DST: variants seen among roughly 807,000 people sequenced by gnomAD.
DST encodes dystonin.
DST carries 253 observed loss-of-function variants against 875.2 expected under a neutral mutation model. That is an observed-to-expected ratio of 0.29 (90% CI 0.26 to 0.32). The LOEUF (loss-of-function observed/expected upper bound fraction) is 0.32, where lower values mean the gene tolerates loss of function less well. Among genes scored for constraint, DST ranks in the 10% least tolerant of loss-of-function variants. The pLI is 1.00. For synonymous variants in DST, 3,124 were observed against 3,197.1 expected, an observed-to-expected ratio of 0.98 and a Z score of 0.77; for missense variants, 8,287 against 9,111.6, an observed-to-expected ratio of 0.91 and a Z score of 3.68.
chr6:56,529,372 T>C, intron 66 of DST, 76 bp downstream of exon 66: 1 of 1,183,534 alleles, frequency 8.4e-7, no homozygotes. Flanking sequence ...AAACATAAAA[T>C]TGTACAGAAA....
chr6:56,877,705 C>A lies in DST; in HGVS notation c.417+22716G>T, dbSNP rs188703608. On this transcript the variant is annotated intron_variant, in intron 3 of 103. Transcript: ENST00000680361. ...ATTTTTAATTAGTTTCAACTGATAT[C>A]CCATAGGCTGGGAACAACACAATAA... Among the ~76,000 whole-genome samples the A allele has an allele frequency of 4.0e-3, 610 of 152,212 alleles. 2 individuals are homozygous for A. The highest frequency in any genetic ancestry group is 6.2e-3 in the Non-Finnish European group (424 of 68,016).
At position 56,501,718 on chromosome 6, in the gene DST, A is replaced by G. The variant is rs775150328; in HGVS notation, c.19567-25T>C. 17 of 1,511,620 alleles carry G rather than the reference A, an allele frequency of 1.1e-5. No homozygotes were observed. The Admixed American group carries it at 3.7e-4, about 33-fold the overall frequency. The allele number at this position is 1,511,620 out of a possible 1,614,324, so 93.6% of individuals were successfully genotyped here. On this transcript the variant is annotated intron_variant, in intron 78 of 103. Coordinates refer to ENST00000680361, the MANE Select transcript of DST (RefSeq NM_001374736.1). ...GCTATTTTAAAAGAGATATACAAAGAAAATATTGTTAAAAATCACTAACTC... is the reference window on the plus strand; with the variant it reads ...GCTATTTTAAAAGAGATATACAAAGGAAATATTGTTAAAAATCACTAACTC...
In DST at chr6:56,614,376, G is replaced by A. The variant is rs536309937; in HGVS notation, c.5038C>T (p.Pro1680Ser). 1.6e-5 allele frequency: 26 copies of A among 1,607,594 alleles called. No individual in the cohort carries two copies. The South Asian group carries it at 2.1e-4, about 13-fold the overall frequency. ...TLKDAEKAGKPPFSKQKISSE... is the reference protein window; with the variant it reads ...TLKDAEKAGKSPFSKQKISSE... ...AATACCTTTTGCTTAGAGAAGGGAG[G>A]TTTTCCAGCCTTCTCTGCATCTTTC... Residue 1680 changes from proline to serine, a missense_variant, in exon 37 of 104, where the codon CCT becomes TCT. By Grantham distance (74) the Pro-to-Ser change is moderately conservative. Transcript: ENST00000680361.
intron 2 of DST, among the ~76,000 whole-genome samples, chr6:56,915,110 G>A (rs1003887579): frequency 6.6e-6 from 1 of 152,128 alleles, no homozygotes; most frequent in African/African-American, 2.4e-5. Context: ...TATAGACCAA[G>A]GGATTTTATA....
chr6:56,659,118 T>A (rs988636590), intron 10 of DST, among the ~76,000 whole-genome samples: 1 of 151,944 alleles, frequency 6.6e-6, no homozygotes, highest in African/African-American at 2.4e-5. Context: ...GAGAAAAAAA[T>A]TTAAATGGTC....
chr6:56,498,284 C>G (rs1462399488), intron 80 of DST, among the ~76,000 whole-genome samples: 2 of 152,114 alleles, frequency 1.3e-5, no homozygotes, highest in Admixed American at 1.3e-4. Flanking sequence ...GCAATCGTCC[C>G]ATTTCAGCCT....
intron 4 of DST, among the ~76,000 whole-genome samples, chr6:56,815,495 G>A (rs1374652171): frequency 6.6e-6 from 1 of 152,160 alleles, no homozygotes; most frequent in Non-Finnish European, 1.5e-5. Flanking sequence ...TTTCCAAAAA[G>A]GATTATGACC....
intron 3 of DST, among the ~76,000 whole-genome samples, chr6:56,852,970 C>A (rs1172561913): frequency 1.3e-5 from 2 of 152,230 alleles, no homozygotes; most frequent in Non-Finnish European, 2.9e-5. Context: ...GGACTACCAA[C>A]CTTACCTCAA....
At chr6:56,475,394 A>AACACAC (rs35690052) in intron 92 of DST, among the ~76,000 whole-genome samples, 3,302 of 144,926 alleles carry the variant, frequency 0.023, 116 homozygotes, top group African/African-American at 0.077. Context: ...AGGCTTTTAA[A>AACACAC]ACACACACAC....
At position 56,699,665 on chromosome 6, in the gene DST, A is replaced by C; in HGVS notation, c.1035T>G (p.Ile345Met). ...AATTTGGGCTTACCTGAAAGTGCAA[A>C]ATTATTGTCCAGATTAATCCCAAAG... is the stretch of plus-strand genomic sequence containing the variant. ...KLTLGLIWTIILHFQISDIHV... is the reference protein window; with the variant it reads ...KLTLGLIWTIMLHFQISDIHV... The change falls in exon 9 of 104, where the codon ATT (isoleucine) becomes ATG (methionine). Residue 345 changes from isoleucine to methionine, a missense_variant. By Grantham distance (10) the Ile-to-Met change is conservative. Coordinates refer to ENST00000680361, the MANE Select transcript of DST (RefSeq NM_001374736.1). 6.6e-7 allele frequency: 1 copy of C among 1,524,646 alleles called. No individual in the cohort carries two copies. The highest frequency in any genetic ancestry group is 8.8e-7 in the Non-Finnish European group (1 of 1,137,722). The allele number at this position is 1,524,646 out of a possible 1,614,324, so 94.4% of individuals were successfully genotyped here. A position where few individuals can be genotyped will look rare whatever the true frequency, so the allele number is the denominator to read the frequency against.
In DST at chr6:56,603,569, A is replaced by G. The variant is rs1264940601; in HGVS notation, c.10936T>C (p.Leu3646=). The change falls in exon 41 of 104, where the codon TTG becomes CTG. Residue 3646 remains leucine, a synonymous_variant. Coordinates refer to ENST00000680361, the MANE Select transcript of DST (RefSeq NM_001374736.1). The stretch of plus-strand genomic sequence containing the variant: ...AGGCAGTAGACAATTCTTACCTCCA[A>G]CTGTCTAAGTTGATTCTTCAAAGCT... ...LEALKNQLRQ[L]ETFELGLAPI... The G allele has an allele frequency of 1.9e-6, 3 of 1,605,414 alleles. No individual in the cohort carries two copies. The highest frequency in any genetic ancestry group is 1.7e-5 in the Admixed American group (1 of 58,604).
chr6:56,857,884 T>C (rs1052859118), intron 3 of DST, among the ~76,000 whole-genome samples: 18 of 152,136 alleles, frequency 1.2e-4, no homozygotes, highest in African/African-American at 4.1e-4. Flanking sequence ...CACAAATAAA[T>C]AGATGTAGAA....
intron 2 of DST, among the ~76,000 whole-genome samples, chr6:56,925,865 T>A (rs753366343): frequency 1.3e-5 from 2 of 152,186 alleles, no homozygotes; most frequent in Non-Finnish European, 2.9e-5. Context: ...CTATCATCAT[T>A]TCCTGAAGCA....
chr6:56,721,066 C>G (rs966855294), intron 5 of DST, among the ~76,000 whole-genome samples: 1 of 150,318 alleles, frequency 6.7e-6, no homozygotes, highest in Non-Finnish European at 1.5e-5. Flanking sequence ...GCAGGGGCGC[C>G]CCCCCCACCT....
At chr6:56,953,940 G>A (rs1823794225) in intron 1 of DST, 121 bp from the exon 2 acceptor site, 1 of 554,376 alleles carries the variant, frequency 1.8e-6, no homozygotes. Context: ...CTGGAATTCG[G>A]TGGGACATCC....
At position 56,517,246 on chromosome 6, in the gene DST, C is replaced by T; in HGVS notation, c.18309G>A (p.Gly6103=). Residue 6103 remains glycine (G), a synonymous_variant, in exon 71 of 104, where the codon GGG becomes GGA. Coordinates refer to ENST00000680361, the MANE Select transcript of DST (RefSeq NM_001374736.1). ...KDIIDDLVKS[G]HKIMTACSEE... ...CACTGCATGCGGTCATGATTTTATG[C>T]CCAGATTTAACAAGGTCATCAATAA... The T allele has an allele frequency of 1.2e-6, 2 of 1,613,096 alleles. No homozygotes were observed. The highest frequency in any genetic ancestry group is 1.7e-6 in the Non-Finnish European group (2 of 1,179,560).
At chr6:56,572,291 C>T (rs1365622700) in intron 52 of DST, 25 bp from the exon 53 acceptor site, 4 of 1,501,348 alleles carry the variant, frequency 2.7e-6, no homozygotes, top group Non-Finnish European at 3.6e-6. Flanking sequence ...GATATTCAGT[C>T]AATATAAATG....
chr6:56,923,345 G>A (rs1007895384), intron 2 of DST, among the ~76,000 whole-genome samples: 1 of 150,826 alleles, frequency 6.6e-6, no homozygotes, highest in Non-Finnish European at 1.5e-5. Context: ...TTTGGGACTT[G>A]TTGATTTTTT....
At chr6:56,775,039 C>T (rs1459658732) in intron 4 of DST, among the ~76,000 whole-genome samples, 5 of 151,504 alleles carry the variant, frequency 3.3e-5, no homozygotes, top group Non-Finnish European at 5.9e-5. Context: ...CCCTAACATC[C>T]GGGAGTCTAC....
Sources: allele counts gnomAD v4.1 joint callset (sites outside exome capture counted in the v4.1 genomes callset), GRCh38; gene constraint gnomAD v4.1.1; transcripts MANE v1.5; gene names NCBI Gene and HGNC (gene_info 2026-07-23, HGNC 2026-07-21).